PTPRE: variants seen among roughly 807,000 people sequenced by gnomAD.
PTPRE encodes protein tyrosine phosphatase receptor type E, also known as receptor-type tyrosine-protein phosphatase epsilon.
Under a neutral mutation model 102.0 loss-of-function variants are expected in PTPRE, and 51 were observed. That is an observed-to-expected ratio of 0.50 (90% CI 0.40 to 0.63). The LOEUF is 0.63. PTPRE is among the 30% of genes least tolerant of loss of function. PTPRE has a pLI of 0.00. For missense variants in PTPRE, 752 were observed against 915.1 expected, an observed-to-expected ratio of 0.82 and a Z score of 2.30; for synonymous variants, 345 against 348.2, an observed-to-expected ratio of 0.99 and a Z score of 0.10.
intron 7 of PTPRE, among the ~76,000 whole-genome samples, chr10:128,057,932 G>C (rs766750486): frequency 7.9e-5 from 12 of 152,218 alleles, no homozygotes; most frequent in Non-Finnish European, 1.6e-4. Context: ...GGAATAATGT[G>C]TGTCAAATTT....
chr10:128,066,250 C>T, intron 11 of PTPRE, 56 bp downstream of exon 11: 1 of 1,597,414 alleles, frequency 6.3e-7, no homozygotes, highest in Non-Finnish European at 8.6e-7. Flanking sequence ...GAGCATCATG[C>T]CCAGAGTTAA....
At chr10:127,908,105 C>T (rs1845616752) in intron 1 of PTPRE, among the ~76,000 whole-genome samples, 1 of 152,168 alleles carries the variant, frequency 6.6e-6, no homozygotes, top group African/African-American at 2.4e-5. Flanking sequence ...CAAACCTTTC[C>T]AGAAAGATTA....
intron 2 of PTPRE, among the ~76,000 whole-genome samples, chr10:128,032,672 G>T (rs925308388): frequency 6.6e-6 from 1 of 152,204 alleles, no homozygotes; most frequent in Non-Finnish European, 1.5e-5. Context: ...CTGGCCACTT[G>T]TGGCACCAGC....
Position 128,079,658 on chromosome 10 carries a change from GTTTACGAC to G in PTPRE, c.1994_2001del (p.Leu665SerfsTer13). The G allele has an allele frequency of 6.2e-7, 1 of 1,613,980 alleles. No homozygotes were observed. The highest frequency in any genetic ancestry group is 8.5e-7 in the Non-Finnish European group (1 of 1,179,822). Reference sequence around the variant, plus strand: ...TTAGATGTATTTCAAGCTGTGAAGAGTTTACGACTTCAGAGACCACATATGGTGCAAAC... The same window carrying G: ...TTAGATGTATTTCAAGCTGTGAAGAGTTCAGAGACCACATATGGTGCAAAC... On this transcript the variant is annotated frameshift_variant, in exon 20 of 21. Coordinates refer to ENST00000254667, the MANE Select transcript of PTPRE (RefSeq NM_006504.6). LOFTEE classifies it high-confidence loss of function.
chr10:127,989,661 G>T (rs977219808), intron 2 of PTPRE, among the ~76,000 whole-genome samples: 4 of 152,232 alleles, frequency 2.6e-5, no homozygotes, highest in Non-Finnish European at 5.9e-5. Context: ...CCTGCCAAAA[G>T]AAAAACTTTT....
chr10:128,049,646 C>A lies in PTPRE; in HGVS notation c.400C>A (p.Gln134Lys). ...TATCAGATCCGCCGACGACTGCAAG[C>A]AGTTTCGGGAGGAGTTCAACGTGAG... ...IRIRSADDCK[Q>K]FREEFNSLPS... Residue 134 changes from glutamine to lysine, a missense_variant, in exon 6 of 21, where the codon CAG (glutamine) becomes AAG (lysine). Coordinates refer to ENST00000254667, the MANE Select transcript of PTPRE (RefSeq NM_006504.6). 1 of 1,613,894 alleles carries A rather than the reference C, an allele frequency of 6.2e-7. No homozygotes were observed. Among genetic ancestry groups the A allele is most frequent in the Non-Finnish European group, 8.5e-7 (1 of 1,180,026 alleles).
chr10:128,041,923 T>C (rs771067320), intron 3 of PTPRE, among the ~76,000 whole-genome samples: 48 of 152,130 alleles, frequency 3.2e-4, no homozygotes, highest in Non-Finnish European at 5.9e-4. Context: ...CCTGCAAATG[T>C]ACCACTGGCC....
chr10:127,932,604 G>A (rs1193808175), intron 1 of PTPRE, among the ~76,000 whole-genome samples: 3 of 152,198 alleles, frequency 2.0e-5, no homozygotes, highest in Non-Finnish European at 4.4e-5. Flanking sequence ...CAGGAGGGTG[G>A]AGAAGGGCGC....
intron 1 of PTPRE, among the ~76,000 whole-genome samples, chr10:127,911,138 T>C (rs1044800919): frequency 6.6e-6 from 1 of 152,100 alleles, no homozygotes; most frequent in Non-Finnish European, 1.5e-5. Context: ...CCAAAAACCA[T>C]ACAAATAGAT....
At chr10:127,921,220 G>A (rs1288559826) in intron 1 of PTPRE, among the ~76,000 whole-genome samples, 1 of 152,240 alleles carries the variant, frequency 6.6e-6, no homozygotes, top group Non-Finnish European at 1.5e-5. Flanking sequence ...CTAAGCACTT[G>A]GACATGTTAA....
rs144753943 is a variant in PTPRE at position 128,036,456 on chromosome 10, G to T, written c.-7-4419G>T. Among the ~76,000 whole-genome samples the T allele has an allele frequency of 2.7e-3, 407 of 152,260 alleles. 5 individuals carry two copies. Among genetic ancestry groups the T allele is most frequent in the African/African-American group, 9.2e-3 (382 of 41,528 alleles). Reference sequence around the variant, plus strand: ...TAGGATTTCGGTGAGGGTTGATGAGGTCATTTATCTCAGAACCTCAGGTAG... The same window carrying T: ...TAGGATTTCGGTGAGGGTTGATGAGTTCATTTATCTCAGAACCTCAGGTAG... On this transcript the variant is annotated intron_variant, in intron 2 of 20. Transcript: ENST00000254667.
chr10:128,049,039 C>T (rs1415819008), intron 5 of PTPRE, among the ~76,000 whole-genome samples: 4 of 152,064 alleles, frequency 2.6e-5, no homozygotes, highest in South Asian at 2.1e-4. Flanking sequence ...GGTGGTTTTC[C>T]CTTGGAGCTT....
At chr10:128,082,627 C>T (rs1481344696) in intron 20 of PTPRE, among the ~76,000 whole-genome samples, 1 of 151,940 alleles carries the variant, frequency 6.6e-6, no homozygotes, top group Non-Finnish European at 1.5e-5. Flanking sequence ...AATGTTAATA[C>T]ACTAACTGAC....
In PTPRE at chr10:128,012,495, G is replaced by A. The variant is rs528335937; in HGVS notation, c.-7-28380G>A. ...AGATGAAGCTCCTCACCATGGCAGC[G>A]AGGCACCCACCCAGCCTTGGGAGAG... is the stretch of plus-strand genomic sequence containing the variant. On this transcript the variant is annotated intron_variant, in intron 2 of 20. Coordinates refer to ENST00000254667, the MANE Select transcript of PTPRE (RefSeq NM_006504.6). Among the ~76,000 whole-genome samples the A allele has an allele frequency of 6.6e-5, 10 of 152,276 alleles. No homozygotes were observed. The South Asian group carries it at 1.2e-3, about 19-fold the overall frequency.
intron 2 of PTPRE, among the ~76,000 whole-genome samples, chr10:127,991,984 G>A (rs1002557057): frequency 6.6e-6 from 1 of 152,120 alleles, no homozygotes; most frequent in African/African-American, 2.4e-5. Flanking sequence ...CCTCCTGCCT[G>A]TCCTGAGCAC....
At chr10:128,055,977 T>G in intron 6 of PTPRE, 146 bp from the exon 7 acceptor site, 1 of 642,416 alleles carries the variant, frequency 1.6e-6, no homozygotes, top group Non-Finnish European at 2.7e-6. Flanking sequence ...CCATGCCTGG[T>G]GCAAGGTCTG....
intron 1 of PTPRE, among the ~76,000 whole-genome samples, chr10:127,925,491 C>T (rs910863671): frequency 1.4e-4 from 21 of 152,134 alleles, no homozygotes; most frequent in African/African-American, 4.1e-4. Context: ...GCTTGGCAGA[C>T]GGCTACCGCA....
chr10:127,927,466 G>C (rs946059632), intron 1 of PTPRE, among the ~76,000 whole-genome samples: 3 of 152,148 alleles, frequency 2.0e-5, no homozygotes, highest in African/African-American at 7.2e-5. Context: ...TAAGATGTGG[G>C]CCCATATTAT....
chr10:127,947,565 T>C (rs1388601919), intron 1 of PTPRE, among the ~76,000 whole-genome samples: 1 of 152,230 alleles, frequency 6.6e-6, no homozygotes, highest in African/African-American at 2.4e-5. Flanking sequence ...GGACAAATTT[T>C]CACAATGTTT....
Sources: allele counts gnomAD v4.1 joint callset (sites outside exome capture counted in the v4.1 genomes callset), GRCh38; gene constraint gnomAD v4.1.1; transcripts MANE v1.5; gene names NCBI Gene and HGNC (gene_info 2026-07-23, HGNC 2026-07-21).